The following DOCK3 variants were observed in gnomAD, a reference collection of about 807,000 sequenced individuals.
DOCK3 encodes the protein dedicator of cytokinesis protein 3.
A neutral mutation model predicts 265.6 loss-of-function variants in DOCK3; 60 were observed. The observed-to-expected ratio is 0.23, with a 90% CI of 0.18 to 0.28. The LOEUF is 0.28. DOCK3 is among the 10% of genes least tolerant of loss of function. The pLI is 1.00. For synonymous variants in DOCK3, 881 were observed against 938.0 expected (o/e 0.94, Z 1.11); for missense variants, 1,981 against 2,594.3 (o/e 0.76, Z 5.14).
chr3:51,322,189 C>CTTTTGT (rs762396054), intron 32 of DOCK3, among the ~76,000 whole-genome samples: 16 of 152,076 alleles, frequency 1.1e-4, no homozygotes, highest in Admixed American at 2.6e-4. Context: ...ATTCAACATT[C>CTTTTGT]TTTTGTTTTT....
chr3:50,881,122 G>C (rs894470481), intron 3 of DOCK3, among the ~76,000 whole-genome samples: 1 of 152,148 alleles, frequency 6.6e-6, no homozygotes, highest in African/African-American at 2.4e-5. Context: ...TTGATGGGAT[G>C]TATCTCAAAA....
At chr3:51,047,860 G>A (rs985807881) in intron 5 of DOCK3, among the ~76,000 whole-genome samples, 4 of 152,022 alleles carry the variant, frequency 2.6e-5, no homozygotes, top group African/African-American at 9.7e-5. Flanking sequence ...AAAACAGAAG[G>A]AGGAGCACTT....
chr3:51,312,780 T>TTTGCAGCCCTA, intron 30 of DOCK3, 64 bp from the exon 31 acceptor site: 4 of 1,526,626 alleles, frequency 2.6e-6, no homozygotes, highest in Non-Finnish European at 3.6e-6. Flanking sequence ...GCCTCATGGG[T>TTTGCAGCCCTA]TTGCAGCCCT....
intron 48 of DOCK3, 50 bp from the exon 49 acceptor site, chr3:51,362,477 A>G (rs1311795906): frequency 6.2e-7 from 1 of 1,611,818 alleles, no homozygotes; most frequent in Admixed American, 1.7e-5. Context: ...GCCAGCCCTA[A>G]AGTCCTGGCC....
chr3:51,168,902 G>C (rs1033853626), intron 12 of DOCK3, among the ~76,000 whole-genome samples: 1 of 150,986 alleles, frequency 6.6e-6, no homozygotes, highest in Non-Finnish European at 1.5e-5. Flanking sequence ...CAAGAAAAAG[G>C]AATGCCATTA....
chr3:51,281,015 C>G (rs946207502), intron 27 of DOCK3, among the ~76,000 whole-genome samples: 3 of 152,012 alleles, frequency 2.0e-5, no homozygotes, highest in Non-Finnish European at 4.4e-5. Context: ...AGAATCATTC[C>G]TCTCTCACAC....
intron 2 of DOCK3, among the ~76,000 whole-genome samples, chr3:50,832,372 T>TA (rs1439038746): frequency 2.0e-5 from 3 of 152,180 alleles, no homozygotes; most frequent in Non-Finnish European, 4.4e-5. Flanking sequence ...GGGATCTAAT[T>TA]AAACTAAAGA....
rs113420521 is a variant in DOCK3, at chr3:50,990,600, G to T, written c.315+56523G>T. Among the ~76,000 whole-genome samples, 7 of 152,304 alleles carry T rather than the reference G, an allele frequency of 4.6e-5. 2 individuals carry two copies. Among genetic ancestry groups the T allele is most frequent in the African/African-American group, 1.7e-4 (7 of 41,562 alleles). ...GACAAAACTAATGGGATAGATGTATGTATAAAAGGGAGTTTATTAAGGAGT... is the reference window on the plus strand; with the variant it reads ...GACAAAACTAATGGGATAGATGTATTTATAAAAGGGAGTTTATTAAGGAGT... On this transcript the variant is annotated intron_variant, in intron 5 of 52. Coordinates refer to ENST00000266037, the MANE Select transcript of DOCK3 (RefSeq NM_004947.5).
intron 4 of DOCK3, among the ~76,000 whole-genome samples, chr3:50,909,503 T>C (rs1307327959): frequency 6.6e-6 from 1 of 152,046 alleles, no homozygotes; most frequent in Non-Finnish European, 1.5e-5. Flanking sequence ...AAATTCTGGG[T>C]TGGAAATTTT....
At chr3:50,744,389 T>C (rs1443467803) in intron 1 of DOCK3, among the ~76,000 whole-genome samples, 1 of 152,186 alleles carries the variant, frequency 6.6e-6, no homozygotes, top group Non-Finnish European at 1.5e-5. Context: ...TCTAGGAGAC[T>C]TATAGTTTTA....
chr3:51,319,056 A>C (rs959267608), intron 32 of DOCK3, among the ~76,000 whole-genome samples: 4 of 152,008 alleles, frequency 2.6e-5, no homozygotes, highest in Non-Finnish European at 5.9e-5. Flanking sequence ...TTGCTGTATC[A>C]CATCAGCCAG....
chr3:50,703,820 A>T lies in DOCK3; in HGVS notation c.37+28520A>T, dbSNP rs148161454. ...TGCATTTAGTCCTGCTCTGATATTT[A>T]TTGTTTTTTTCATCTGTAATTTTTT... On this transcript the variant is annotated intron_variant, in intron 1 of 52. Coordinates refer to ENST00000266037, the MANE Select transcript of DOCK3 (RefSeq NM_004947.5). Among the ~76,000 whole-genome samples the T allele has an allele frequency of 2.8e-4, 36 of 128,956 alleles. No individual in the cohort carries two copies. The East Asian group carries it at 6.1e-3, about 22-fold the overall frequency. The allele number at this position is 128,956 out of a possible 152,430, so 84.6% of individuals were successfully genotyped here. A position where few individuals can be genotyped will look rare whatever the true frequency, so the allele number is the denominator to read the frequency against.
At chr3:51,272,705 T>C (rs1173046864) in intron 24 of DOCK3, among the ~76,000 whole-genome samples, 1 of 152,098 alleles carries the variant, frequency 6.6e-6, no homozygotes, top group Non-Finnish European at 1.5e-5. Flanking sequence ...TTGCTAGTAG[T>C]AGTAAAGCTG....
chr3:51,316,141 G>A (rs2083350591), intron 32 of DOCK3, among the ~76,000 whole-genome samples: 1 of 152,140 alleles, frequency 6.6e-6, no homozygotes, highest in Non-Finnish European at 1.5e-5. Context: ...CTGTCTATTT[G>A]TAGTCAAACC....
rs545851178 is a variant in DOCK3 at position 51,230,906 on chromosome 3, C to CA, written c.1917+1298dup. 7.4e-5 allele frequency among the ~76,000 whole-genome samples: 11 copies of CA among 149,392 alleles called. No homozygotes were observed. In the South Asian group the frequency reaches 1.3e-3, roughly 18 times the overall value. ...TTATTGTGAATAATACCGTGATGAA[C>CA]ATTTGAGTGCATGGGTCTTTTTGGT... On this transcript the variant is annotated intron_variant, in intron 19 of 52. Coordinates refer to ENST00000266037, the MANE Select transcript of DOCK3 (RefSeq NM_004947.5).
At chr3:51,380,388 C>G (rs1553618187) in intron 52 of DOCK3, among the ~76,000 whole-genome samples, 181 bp downstream of exon 52, 1 of 152,154 alleles carries the variant, frequency 6.6e-6, no homozygotes, top group African/African-American at 2.4e-5. Flanking sequence ...TTGTGTCCTG[C>G]AGCAAATGTG....
intron 4 of DOCK3, among the ~76,000 whole-genome samples, chr3:50,914,421 TG>T (rs1406249064): frequency 6.6e-6 from 1 of 152,134 alleles, no homozygotes; most frequent in Non-Finnish European, 1.5e-5. Context: ...TTACAAGAAA[TG>T]TTTAAATTTT....
chr3:51,156,009 T>C (rs2085833112), intron 10 of DOCK3, among the ~76,000 whole-genome samples: 1 of 152,200 alleles, frequency 6.6e-6, no homozygotes, highest in South Asian at 2.1e-4. Context: ...TTTTATTTTA[T>C]ATATTTATTT....
Position 51,090,140 on chromosome 3 carries a change from A to G in DOCK3, c.592-90A>G, listed in dbSNP as rs1576032984. ...CAAATAATCTCCTTCAGTAGTGTGA[A>G]AAGAGTTTGTAATTTAGTTTCCACT... On this transcript the variant is annotated intron_variant, in intron 8 of 52. Transcript: ENST00000266037. 3.0e-6 allele frequency: 4 copies of G among 1,335,936 alleles called. No individual in the cohort carries two copies. In the East Asian group the frequency reaches 1.0e-4, roughly 34 times the overall value. The allele number at this position is 1,335,936 out of a possible 1,614,324, so 82.8% of individuals were successfully genotyped here.
Sources: gnomAD v4.1 joint callset for allele counts (sites outside exome capture counted in the v4.1 genomes callset) on GRCh38, gnomAD v4.1.1 for gene constraint, MANE v1.5 for transcripts, NCBI Gene and HGNC (gene_info 2026-07-23, HGNC 2026-07-21) for gene names.